Variants in STX2 observed in about 807,000 individuals in gnomAD.
STX2 encodes the protein syntaxin-2.
Under a neutral mutation model 40.6 loss-of-function variants are expected in STX2, and 27 were observed. The observed-to-expected ratio is 0.66, with a 90% confidence interval of 0.49 to 0.92. The LOEUF (loss-of-function observed/expected upper bound fraction) is 0.92. STX2 is among the 40% of genes least tolerant of loss of function. The probability of loss-of-function intolerance (pLI) is 0.00; values close to 1 mark genes in which losing one functional copy is unlikely to be tolerated. For missense variants in STX2, 328 were observed against 366.1 expected, an observed-to-expected ratio of 0.90 and a Z score of 0.85; for synonymous variants, 123 against 119.1, an observed-to-expected ratio of 1.03 and a Z score of -0.22.
rs531172280 is a variant in STX2, at chr12:130,793,679, G to A, written c.*46-1702C>T. ...AGGTCTGGGCCAGGGCCCTCTCACCGAATACCTGTAAGACTCCACCTGTCT... is the reference window on the plus strand; with the variant it reads ...AGGTCTGGGCCAGGGCCCTCTCACCAAATACCTGTAAGACTCCACCTGTCT... On this transcript the variant is annotated intron_variant, in intron 10 of 10. Coordinates refer to ENST00000392373, the MANE Select transcript of STX2 (RefSeq NM_194356.4). Among the ~76,000 whole-genome samples, 11 of 152,260 alleles carry A rather than the reference G, an allele frequency of 7.2e-5. No homozygotes were observed. The South Asian group carries it at 8.3e-4, about 11-fold the overall frequency.
rs559846377 is a variant in STX2 at position 130,833,299 on chromosome 12, G to A, written c.30+5771C>T. 1.1e-3 allele frequency among the ~76,000 whole-genome samples: 170 copies of A among 151,370 alleles called. 1 individual carries two copies. The highest frequency in any genetic ancestry group is 3.7e-3 in the African/African-American group (155 of 41,342). The stretch of plus-strand genomic sequence containing the variant: ...ACTAAGACCCCGCAAGCACAAAACG[G>A]CCACGACACAAGGACAGGAAGGACC... On this transcript the variant is annotated intron_variant, in intron 1 of 10. Transcript: ENST00000392373.
At chr12:130,799,921 G>A (rs987703724) in intron 8 of STX2, among the ~76,000 whole-genome samples, 28 of 152,210 alleles carry the variant, frequency 1.8e-4, no homozygotes, top group African/African-American at 6.3e-4. Flanking sequence ...AAGCAGGCAG[G>A]AACAATCCTG....
chr12:130,823,204 C>T (rs1422220212), intron 2 of STX2, among the ~76,000 whole-genome samples: 1 of 152,168 alleles, frequency 6.6e-6, no homozygotes, highest in Non-Finnish European at 1.5e-5. Flanking sequence ...CCCAGCCACT[C>T]AGGAGGCTGA....
At position 130,808,641 on chromosome 12, in the gene STX2, C is replaced by T. The variant is rs1387242196; in HGVS notation, c.344G>A (p.Arg115Gln). The T allele has an allele frequency of 5.0e-6, 8 of 1,613,162 alleles. No individual in the cohort carries two copies. Among genetic ancestry groups the T allele is most frequent in the Non-Finnish European group, 6.8e-6 (8 of 1,179,812 alleles). Residue 115 changes from arginine (R) to glutamine (Q), a missense_variant, in exon 5 of 11, where the codon CGA becomes CAA. Physicochemically the swap from Arg to Gln is conservative, Grantham distance 43. Transcript: ENST00000392373. ...AGGCTGATAGCAAACCTGGGTTCTT[C>T]GTATCCGAAGATCCACTGAAGTCCG... ...GNRTSVDLRI[R>Q]RTQHSVLSRK...
intron 6 of STX2, among the ~76,000 whole-genome samples, 160 bp from the exon 7 acceptor site, chr12:130,801,648 T>G (rs1951232016): frequency 6.6e-6 from 1 of 152,190 alleles, no homozygotes; most frequent in African/African-American, 2.4e-5. Context: ...GAAGTGAACC[T>G]AAGATTGAGG....
chr12:130,794,202 A>C (rs1950960155), intron 10 of STX2, among the ~76,000 whole-genome samples: 2 of 152,264 alleles, frequency 1.3e-5, no homozygotes, highest in Non-Finnish European at 1.5e-5. Context: ...ATATTGAAAA[A>C]TACTACTATA....
chr12:130,800,294 T>C (rs1288706897), intron 8 of STX2, among the ~76,000 whole-genome samples: 1 of 151,102 alleles, frequency 6.6e-6, no homozygotes, highest in Non-Finnish European at 1.5e-5. Context: ...CATATATATG[T>C]GTGTATTTTT....
In STX2 at chr12:130,790,269, T is replaced by C. The variant is rs1461473691; in HGVS notation, c.*1754A>G. The C allele has an allele frequency of 6.6e-6, 1 of 152,210 alleles. No individual in the cohort carries two copies. The highest frequency in any genetic ancestry group is 1.9e-4 in the East Asian group (1 of 5,196). 9.4% of individuals were successfully genotyped at this position (152,210 alleles called of 1,614,324 possible). ...CATGGATGAGGGAGATTCGGAATTG[T>C]GTTAAGTAAGGGACGCGGCTTCTGA... On this transcript the variant is annotated 3_prime_UTR_variant, in exon 11 of 11. Coordinates refer to ENST00000392373, the MANE Select transcript of STX2 (RefSeq NM_194356.4).
chr12:130,834,311 T>A (rs1952682083), intron 1 of STX2, among the ~76,000 whole-genome samples: 2 of 147,260 alleles, frequency 1.4e-5, no homozygotes, highest in South Asian at 2.2e-4. Flanking sequence ...GAACTGAGAT[T>A]GCACCATTGC....
intron 1 of STX2, among the ~76,000 whole-genome samples, chr12:130,831,110 G>C (rs73459503): frequency 1.3e-5 from 2 of 152,262 alleles, no homozygotes; most frequent in South Asian, 4.1e-4. Context: ...CCATTGGAAC[G>C]ATCATCATTT....
At position 130,813,791 on chromosome 12, in the gene STX2, AGAAGG is replaced by A. The variant is rs1951748899; in HGVS notation, c.206-765_206-761del. Among the ~76,000 whole-genome samples the A allele has an allele frequency of 4.1e-5, 4 of 98,074 alleles. No individual in the cohort carries two copies. In the South Asian group the frequency reaches 1.9e-3, roughly 45 times the overall value. The allele number at this position is 98,074 out of a possible 152,430, so 64.3% of individuals were successfully genotyped here. ...TGCCAGTCCAGTGGCTGAAGTGACC[AGAAGG>A]GAAGGGGGTTTCTCTCTCCTTTGGG... On this transcript the variant is annotated intron_variant, in intron 3 of 10. Transcript: ENST00000392373.
At chr12:130,821,069 C>A (rs1565927818) in intron 3 of STX2, among the ~76,000 whole-genome samples, 1 of 152,174 alleles carries the variant, frequency 6.6e-6, no homozygotes, top group Non-Finnish European at 1.5e-5. Context: ...GCAAATACCA[C>A]GGGGAAGCAA....
At chr12:130,820,295 T>C (rs1952063022) in intron 3 of STX2, among the ~76,000 whole-genome samples, 1 of 152,280 alleles carries the variant, frequency 6.6e-6, no homozygotes, top group East Asian at 1.9e-4. Flanking sequence ...TAATAACTGA[T>C]TAGGCAAGGG....
At chr12:130,827,172 G>A in intron 2 of STX2, 21 bp downstream of exon 2, 1 of 1,602,614 alleles carries the variant, frequency 6.2e-7, no homozygotes, top group Non-Finnish European at 8.5e-7. Flanking sequence ...GCTATGATTG[G>A]GTTTCATTAA....
chr12:130,826,414 C>T (rs1029502919), intron 2 of STX2, among the ~76,000 whole-genome samples: 2 of 152,142 alleles, frequency 1.3e-5, no homozygotes, highest in African/African-American at 2.4e-5. Context: ...TGCAAGGAGG[C>T]GGTGCTCCTG....
intron 3 of STX2, among the ~76,000 whole-genome samples, chr12:130,818,170 C>CAAAAAAAAAAAAAAAA (rs756794046): frequency 8.0e-5 from 4 of 49,858 alleles, no homozygotes; most frequent in African/African-American, 6.3e-4. Context: ...GCTGTTTCTA[C>CAAAAAAAAAAAAAAAA]AAAAAAAAAA....
chr12:130,826,392 CA>C (rs1952307238), intron 2 of STX2, among the ~76,000 whole-genome samples: 1 of 152,182 alleles, frequency 6.6e-6, no homozygotes, highest in African/African-American at 2.4e-5. Context: ...GCAGGACCTC[CA>C]AAAGGCAGCC....
At position 130,807,109 on chromosome 12, in the gene STX2, T is replaced by G; in HGVS notation, c.355-19A>C. The G allele has an allele frequency of 6.2e-7, 1 of 1,610,840 alleles. No individual in the cohort carries two copies. The highest frequency in any genetic ancestry group is 8.5e-7 in the Non-Finnish European group (1 of 1,177,276). ...CCGAATGCTAACAACACAGGAAAACTACATTCGTATCTGAGGGCCATGCCT... is the reference window on the plus strand; with the variant it reads ...CCGAATGCTAACAACACAGGAAAACGACATTCGTATCTGAGGGCCATGCCT... On this transcript the variant is annotated intron_variant, in intron 5 of 10. Transcript: ENST00000392373.
chr12:130,836,211 A>C (rs1168651984), intron 1 of STX2, among the ~76,000 whole-genome samples: 1 of 152,222 alleles, frequency 6.6e-6, no homozygotes, highest in Non-Finnish European at 1.5e-5. Context: ...AAATATTAAA[A>C]GTTATTAAAC....
Sources: allele counts gnomAD v4.1 joint callset (sites outside exome capture counted in the v4.1 genomes callset), GRCh38; gene constraint gnomAD v4.1.1; transcripts MANE v1.5; gene names NCBI Gene and HGNC (gene_info 2026-07-23, HGNC 2026-07-21).